TRAPPC11: variants seen among roughly 807,000 people sequenced by gnomAD.
The protein encoded by TRAPPC11 is foie gras homolog.
TRAPPC11 carries 104 observed loss-of-function variants against 151.2 expected under a neutral mutation model. The ratio of observed to expected loss-of-function variants is 0.69; its 90% confidence interval spans 0.59 to 0.81. The LOEUF (loss-of-function observed/expected upper bound fraction) is 0.81, where lower values mean the gene tolerates loss of function less well. TRAPPC11 is among the 30% of genes least tolerant of loss of function. The pLI is 0.00. For synonymous variants in TRAPPC11, 456 were observed against 472.3 expected, an observed-to-expected ratio of 0.97 and a Z score of 0.45; for missense variants, 1,230 against 1,349.6, an observed-to-expected ratio of 0.91 and a Z score of 1.39.
At chr4:183,696,876 T>C (rs1251775330) in intron 23 of TRAPPC11, among the ~76,000 whole-genome samples, 8 of 152,294 alleles carry the variant, frequency 5.3e-5, no homozygotes, top group Non-Finnish European at 8.8e-5. Flanking sequence ...TACATTATTA[T>C]TATCTTTCTT....
intron 22 of TRAPPC11, 37 bp from the exon 23 acceptor site, chr4:183,694,567 T>C: frequency 6.3e-7 from 1 of 1,581,974 alleles, no homozygotes; most frequent in Non-Finnish European, 8.6e-7. Flanking sequence ...GAAATGTCTG[T>C]AATACTAATT....
At chr4:183,677,614 A>C (rs75159434) in intron 8 of TRAPPC11, 60 bp downstream of exon 8, 22,569 of 956,886 alleles carry the variant, frequency 0.024, 481 homozygotes, top group East Asian at 0.1. Flanking sequence ...TATCTTTTTA[A>C]AATTTGAACA....
intron 8 of TRAPPC11, among the ~76,000 whole-genome samples, chr4:183,677,787 T>C (rs1561037868): frequency 6.6e-6 from 1 of 152,156 alleles, no homozygotes; most frequent in Non-Finnish European, 1.5e-5. Context: ...GAGGGTTTTT[T>C]GGTTTTTGTT....
chr4:183,663,944 A>G lies in TRAPPC11; in HGVS notation c.77A>G (p.Asp26Gly). 1.2e-6 allele frequency: 2 copies of G among 1,614,082 alleles called. No homozygotes were observed. Among genetic ancestry groups the G allele is most frequent in the Non-Finnish European group, 1.7e-6 (2 of 1,180,018 alleles). ...GCCTTTGTTACTCTAACGGGCCTGG[A>G]TGTAGTTTATAATGCAGTCCATCGA... ...PMAFVTLTGL[D>G]VVYNAVHRAV... Residue 26 changes from aspartate (D) to glycine (G), a missense_variant, in exon 2 of 30, where the codon GAT becomes GGT. Asp to Gly is a moderately conservative substitution (Grantham distance 94). Transcript: ENST00000334690.
In TRAPPC11 at chr4:183,684,005, A is replaced by C; in HGVS notation, c.1238A>C (p.Lys413Thr). ...SFDLSDPEKEKVGILAIQLKE... is the reference protein window; with the variant it reads ...SFDLSDPEKETVGILAIQLKE... ...GATCTTTCTGATCCTGAAAAAGAAA[A>C]GGTGGGAATTCTTGCCATTCAGCTG... The change falls in exon 12 of 30, where the codon AAG (lysine) becomes ACG (threonine). Residue 413 changes from lysine (K) to threonine (T), a missense_variant. By Grantham distance (78) the Lys-to-Thr change is moderately conservative. Transcript: ENST00000334690. The C allele has an allele frequency of 6.2e-7, 1 of 1,614,062 alleles. No homozygotes were observed. Among genetic ancestry groups the C allele is most frequent in the Non-Finnish European group, 8.5e-7 (1 of 1,179,966 alleles).
chr4:183,700,625 T>C (rs954705980), intron 25 of TRAPPC11, among the ~76,000 whole-genome samples: 1 of 152,164 alleles, frequency 6.6e-6, no homozygotes, highest in Non-Finnish European at 1.5e-5. Flanking sequence ...AAAGCATTCT[T>C]GCACAGAGGT....
rs200618360 is a variant in TRAPPC11, at chr4:183,683,971, G to A, written c.1208-4G>A. The A allele has an allele frequency of 7.4e-5, 119 of 1,612,906 alleles. No homozygotes were observed. The highest frequency in any genetic ancestry group is 2.2e-4 in the Admixed American group (13 of 60,004). ...TAAAATGAGTTGTGTCTCATCTTAC[G>A]CAGGTTTTGATCTTTCTGATCCTGA... On this transcript the variant is annotated splice_region_variant and splice_polypyrimidine_tract_variant and intron_variant, in intron 11 of 29. Coordinates refer to ENST00000334690, the MANE Select transcript of TRAPPC11 (RefSeq NM_021942.6).
rs1329317931 is a variant in TRAPPC11 at position 183,686,485 on chromosome 4, G to A, written c.1763-133G>A. 4 of 953,404 alleles carry A rather than the reference G, an allele frequency of 4.2e-6. No homozygotes were observed. In the East Asian group the frequency reaches 1.0e-4, roughly 24 times the overall value. 59.1% of individuals were successfully genotyped at this position (953,404 alleles called of 1,614,324 possible). A position where few individuals can be genotyped will look rare whatever the true frequency, so the allele number is the denominator to read the frequency against. ...AGTTAGCTCATTTGTCTCTTGAAGTGCCTTAAGTGCAGAAGTCAGTAAGAA... is the reference window on the plus strand; with the variant it reads ...AGTTAGCTCATTTGTCTCTTGAAGTACCTTAAGTGCAGAAGTCAGTAAGAA... On this transcript the variant is annotated intron_variant, in intron 17 of 29. Coordinates refer to ENST00000334690, the MANE Select transcript of TRAPPC11 (RefSeq NM_021942.6).
intron 18 of TRAPPC11, among the ~76,000 whole-genome samples, chr4:183,688,967 C>T (rs751109393): frequency 4.6e-5 from 7 of 152,120 alleles, no homozygotes; most frequent in Non-Finnish European, 7.3e-5. Context: ...TCTTGAACTG[C>T]TGGGCTCAAG....
At position 183,682,837 on chromosome 4, in the gene TRAPPC11, T is replaced by C. The variant is rs769743910; in HGVS notation, c.1207+12T>C. The stretch of plus-strand genomic sequence containing the variant: ...ACAAGGAATACTAAGTAAATAATTT[T>C]TCCCTCTGTCCTTTCCTCTCAACCT... On this transcript the variant is annotated intron_variant, in intron 11 of 29. Transcript: ENST00000334690. The C allele has an allele frequency of 2.5e-6, 4 of 1,587,324 alleles. No individual in the cohort carries two copies. The African/African-American group carries it at 4.0e-5, about 16-fold the overall frequency.
chr4:183,677,906 A>G (rs932797106), intron 8 of TRAPPC11, among the ~76,000 whole-genome samples: 2 of 151,606 alleles, frequency 1.3e-5, no homozygotes, highest in African/African-American at 4.8e-5. Flanking sequence ...GTTTAATGGC[A>G]CAGAAAAGAA....
chr4:183,712,675 A>G lies in TRAPPC11; in HGVS notation c.*31A>G. 1 of 1,611,502 alleles carries G rather than the reference A, an allele frequency of 6.2e-7. No individual in the cohort carries two copies. The highest frequency in any genetic ancestry group is 1.1e-5 in the South Asian group (1 of 91,008). On this transcript the variant is annotated 3_prime_UTR_variant, in exon 30 of 30. Coordinates refer to ENST00000334690, the MANE Select transcript of TRAPPC11 (RefSeq NM_021942.6). ...AAGACCGGCCCTTGGCTGTTGTTAC[A>G]GAGATGTTGGGCAGAGCTATGCAGG...
chr4:183,663,981 C>T lies in TRAPPC11; in HGVS notation c.114C>T (p.Asp38=), dbSNP rs140219590. Residue 38 remains aspartate (D), a synonymous_variant, in exon 2 of 30, where the codon GAC becomes GAT. Coordinates refer to ENST00000334690, the MANE Select transcript of TRAPPC11 (RefSeq NM_021942.6). ...ATGCAGTCCATCGAGCTGTCTGGGA[C>T]GCCTTCTGTGCAAATCGGAGAGCTG... The part of the protein sequence containing the change: ...VYNAVHRAVW[D]AFCANRRADR... 1.6e-4 allele frequency: 251 copies of T among 1,613,962 alleles called. No homozygotes were observed. Among genetic ancestry groups the T allele is most frequent in the Non-Finnish European group, 1.7e-4 (206 of 1,180,032 alleles).
chr4:183,669,708 G>A (rs1269894417), intron 5 of TRAPPC11, among the ~76,000 whole-genome samples: 1 of 152,142 alleles, frequency 6.6e-6, no homozygotes, highest in East Asian at 1.9e-4. Flanking sequence ...CAGGGATGTT[G>A]CCACACACTC....
intron 18 of TRAPPC11, among the ~76,000 whole-genome samples, chr4:183,689,072 A>G (rs1736126017): frequency 6.6e-6 from 1 of 152,176 alleles, no homozygotes; most frequent in African/African-American, 2.4e-5. Flanking sequence ...AGAGCATGCA[A>G]TTTATTCTTA....
At chr4:183,708,676 T>C (rs1737201454) in intron 29 of TRAPPC11, 102 bp downstream of exon 29, 1 of 1,084,644 alleles carries the variant, frequency 9.2e-7, no homozygotes, top group Non-Finnish European at 1.3e-6. Flanking sequence ...AGACCAACAG[T>C]GATAGTTTTG....
rs372968180 is a variant in TRAPPC11, at chr4:183,701,822, C to G, written c.2963+14C>G. The G allele has an allele frequency of 4.0e-6, 6 of 1,489,930 alleles. No individual in the cohort carries two copies. The African/African-American group carries it at 6.9e-5, about 17-fold the overall frequency. The allele number at this position is 1,489,930 out of a possible 1,614,324, so 92.3% of individuals were successfully genotyped here. A position where few individuals can be genotyped will look rare whatever the true frequency, so the allele number is the denominator to read the frequency against. ...CTCTTGGAAAAGGTAAGAATTATGT[C>G]AATCCTGTCTTTTCTTCAATGTCTC... is the stretch of plus-strand genomic sequence containing the variant. On this transcript the variant is annotated intron_variant, in intron 26 of 29. Transcript: ENST00000334690.
At position 183,686,656 on chromosome 4, in the gene TRAPPC11, G is replaced by A. The variant is rs750403695; in HGVS notation, c.1801G>A (p.Val601Ile). Residue 601 changes from valine (V) to isoleucine (I), a missense_variant, in exon 18 of 30, where the codon GTT (valine) becomes ATT (isoleucine). By Grantham distance (29) the Val-to-Ile change is conservative (BLOSUM62 3). Transcript: ENST00000334690. ...KAKFHAPSFH[V>I]DVPVQFDIYL... ...CAAGTTTCATGCCCCAAGTTTTCAT[G>A]TTGATGTTCCTGTTCAGTTTGATAT... The A allele has an allele frequency of 6.2e-7, 1 of 1,614,044 alleles. No individual in the cohort carries two copies. The highest frequency in any genetic ancestry group is 8.5e-7 in the Non-Finnish European group (1 of 1,179,980).
At chr4:183,677,382 T>C (rs1735465667) in intron 7 of TRAPPC11, 76 bp from the exon 8 acceptor site, 2 of 850,176 alleles carry the variant, frequency 2.4e-6, no homozygotes, top group East Asian at 2.4e-5. Context: ...AAATATTCTT[T>C]GTTATTTCTA....
Sources: allele counts gnomAD v4.1 joint callset (sites outside exome capture counted in the v4.1 genomes callset), GRCh38; gene constraint gnomAD v4.1.1; transcripts MANE v1.5; gene names NCBI Gene and HGNC (gene_info 2026-07-23, HGNC 2026-07-21).